Variants in CALB2 observed in about 807,000 individuals in gnomAD.
The protein encoded by CALB2 is calbindin 2, also known as calretinin.
A neutral mutation model predicts 45.9 loss-of-function variants in CALB2; 34 were observed. The observed-to-expected ratio is 0.74, with a 90% CI of 0.56 to 0.99. The LOEUF (loss-of-function observed/expected upper bound fraction) is 0.99, where lower values mean the gene tolerates loss of function less well. Among genes scored for constraint, CALB2 ranks in the 50% least tolerant of loss-of-function variants. CALB2 has a pLI of 0.00. For missense variants in CALB2, 344 were observed against 339.3 expected (o/e 1.01, Z -0.11); for synonymous variants, 142 against 129.6 (o/e 1.10, Z -0.65).
chr16:71,389,698 C>T (rs1002394509), intron 10 of CALB2, 51 bp from the exon 11 acceptor site: 12 of 1,326,428 alleles, frequency 9.0e-6, no homozygotes, highest in African/African-American at 1.4e-5. Context: ...GGGCTCCTTG[C>T]GTCGGGACCA....
At chr16:71,378,005 C>T (rs1358689623) in intron 4 of CALB2, among the ~76,000 whole-genome samples, 1 of 152,190 alleles carries the variant, frequency 6.6e-6, no homozygotes, top group African/African-American at 2.4e-5. Context: ...GGCGGATCAC[C>T]TGAGGTCAGG....
chr16:71,384,471 TACACACACCC>T (rs940722783), intron 8 of CALB2, 93 bp downstream of exon 8: 7 of 885,358 alleles, frequency 7.9e-6, no homozygotes, highest in African/African-American at 2.0e-5. Flanking sequence ...CACAACACAC[TACACACACCC>T]ACACACACCA....
chr16:71,359,014 G>A (rs1047075706), intron 1 of CALB2, 128 bp downstream of exon 1: 15 of 760,778 alleles, frequency 2.0e-5, no homozygotes, highest in Admixed American at 4.7e-5. Context: ...CGCAGAGCCT[G>A]CTGGGGTAGT....
At chr16:71,372,083 C>A in intron 1 of CALB2, 70 bp from the exon 2 acceptor site, 1 of 1,098,532 alleles carries the variant, frequency 9.1e-7, no homozygotes, top group South Asian at 1.3e-5. Context: ...CACGAAGCCC[C>A]CGACATGCCC....
intron 2 of CALB2, among the ~76,000 whole-genome samples, chr16:71,373,490 G>A (rs570400509): frequency 6.6e-6 from 1 of 152,314 alleles, no homozygotes; most frequent in East Asian, 1.9e-4. Flanking sequence ...GGAGAAATGT[G>A]TTTTTATGAA....
At chr16:71,379,210 G>A (rs917755504) in intron 4 of CALB2, among the ~76,000 whole-genome samples, 14 of 152,052 alleles carry the variant, frequency 9.2e-5, no homozygotes, top group Middle Eastern at 3.2e-3. Flanking sequence ...CAGGCAGGCA[G>A]AGGTTGCAGT....
At chr16:71,388,653 T>A (rs1174270461) in intron 10 of CALB2, among the ~76,000 whole-genome samples, 1 of 152,112 alleles carries the variant, frequency 6.6e-6, no homozygotes, top group East Asian at 1.9e-4. Flanking sequence ...GCTGGCGAGC[T>A]TTATTGCTGG....
chr16:71,387,248 C>T (rs2145005948), intron 10 of CALB2, among the ~76,000 whole-genome samples: 1 of 152,286 alleles, frequency 6.6e-6, no homozygotes, highest in South Asian at 2.1e-4. Flanking sequence ...CAGCTTGACT[C>T]CAAGTATGGA....
intron 4 of CALB2, among the ~76,000 whole-genome samples, chr16:71,382,405 A>G (rs955711974): frequency 6.6e-6 from 1 of 152,334 alleles, no homozygotes; most frequent in Non-Finnish European, 1.5e-5. Flanking sequence ...TTGCTGTATA[A>G]TAAACTGCCC....
intron 7 of CALB2, 31 bp from the exon 8 acceptor site, chr16:71,384,305 TCTC>T: frequency 1.9e-6 from 3 of 1,595,724 alleles, no homozygotes; most frequent in South Asian, 2.2e-5. Context: ...GCCTGTGCAG[TCTC>T]CTCATCTCTG....
At chr16:71,362,983 C>T (rs2042248977) in intron 1 of CALB2, among the ~76,000 whole-genome samples, 1 of 152,106 alleles carries the variant, frequency 6.6e-6, no homozygotes, top group Non-Finnish European at 1.5e-5. Context: ...AGTTCGAGAC[C>T]AGCTTGGGCA....
Position 71,384,324 on chromosome 16 carries a change from A to G in CALB2, c.534-15A>G. 1 of 1,612,378 alleles carries G rather than the reference A, an allele frequency of 6.2e-7. No homozygotes were observed. Among genetic ancestry groups the G allele is most frequent in the South Asian group, 1.1e-5 (1 of 91,048 alleles). ...GTGCAGTCTCCTCATCTCTGCTCTA[A>G]CATTTTCTCCCCAGACTCCTGCCTG... On this transcript the variant is annotated splice_polypyrimidine_tract_variant and intron_variant, in intron 7 of 10. Transcript: ENST00000302628.
chr16:71,385,318 C>A, intron 9 of CALB2: 1 of 441,418 alleles, frequency 2.3e-6, no homozygotes, highest in Non-Finnish European at 4.0e-6. Context: ...TAACCAAATG[C>A]TTCTTGAATC....
At chr16:71,382,250 C>G (rs1316852966) in intron 4 of CALB2, among the ~76,000 whole-genome samples, 2 of 152,164 alleles carry the variant, frequency 1.3e-5, no homozygotes, top group South Asian at 2.1e-4. Flanking sequence ...ACATGGTTCT[C>G]CGGGCATCTT....
chr16:71,373,201 G>A lies in CALB2; in HGVS notation c.171+972G>A, dbSNP rs968932734. ...CAGCTCCCTCGGGTCCTCTGGAGGC[G>A]TCTCTACTCTCCCCTGCTGCGTGTC... On this transcript the variant is annotated intron_variant, in intron 2 of 10. Transcript: ENST00000302628. Among the ~76,000 whole-genome samples, 6 of 152,134 alleles carry A rather than the reference G, an allele frequency of 3.9e-5. 1 individual carries two copies. Among genetic ancestry groups the A allele is most frequent in the African/African-American group, 7.2e-5 (3 of 41,434 alleles).
intron 1 of CALB2, among the ~76,000 whole-genome samples, chr16:71,364,301 G>A (rs1008885428): frequency 3.4e-5 from 5 of 147,254 alleles, no homozygotes; most frequent in South Asian, 2.1e-4. Context: ...CAGCCAGGCC[G>A]GCTGTCCCTG....
chr16:71,388,364 G>GA (rs995814547), intron 10 of CALB2, among the ~76,000 whole-genome samples: 8 of 148,426 alleles, frequency 5.4e-5, no homozygotes, highest in African/African-American at 1.7e-4. Context: ...AAAAGAAAAA[G>GA]AAAAAGAAAA....
chr16:71,388,248 C>A (rs548835073), intron 10 of CALB2, among the ~76,000 whole-genome samples: 2 of 150,004 alleles, frequency 1.3e-5, no homozygotes, highest in African/African-American at 2.5e-5. Context: ...GCAAAAGGAT[C>A]GCTTGAGCCC....
chr16:71,384,647 AC>A (rs2042546081), intron 8 of CALB2, 135 bp from the exon 9 acceptor site: 1 of 3,620 alleles, frequency 2.8e-4, no homozygotes. Context: ...CACACACCAC[AC>A]AGACCACACA....
Sources: allele counts gnomAD v4.1 joint callset (sites outside exome capture counted in the v4.1 genomes callset), GRCh38; gene constraint gnomAD v4.1.1; transcripts MANE v1.5; gene names NCBI Gene and HGNC (gene_info 2026-07-23, HGNC 2026-07-21).